The following TRIP6 variants were observed in gnomAD, a reference collection of about 807,000 sequenced individuals.
The protein encoded by TRIP6 is thyroid hormone receptor interactor 6.
TRIP6 carries 33 observed loss-of-function variants against 51.9 expected under a neutral mutation model. The ratio of observed to expected loss-of-function variants is 0.64; its 90% confidence interval spans 0.48 to 0.85. The LOEUF is 0.85. Ranked by LOEUF, TRIP6 falls within the 40% of genes least tolerant of loss-of-function variation. The probability of loss-of-function intolerance (pLI) is 0.00; values close to 1 mark genes in which losing one functional copy is unlikely to be tolerated. For missense variants in TRIP6, 661 were observed against 652.1 expected (o/e 1.01, Z -0.15); for synonymous variants, 255 against 275.8 (o/e 0.92, Z 0.75).
chr7:100,872,496 T>C (rs1815295285), intron 7 of TRIP6, 128 bp from the exon 8 acceptor site: 4 of 1,408,170 alleles, frequency 2.8e-6, no homozygotes, highest in Non-Finnish European at 2.9e-6. Flanking sequence ...CATCGTCCCT[T>C]CCCCAAGACC....
chr7:100,871,121 C>T lies in TRIP6; in HGVS notation c.999+378C>T, dbSNP rs546678761. ...TGATCTCTGCTCACTGCAACCTCAG[C>T]CTGCCCTGGTTCAAGCGATTCTCAT... On this transcript the variant is annotated intron_variant, in intron 6 of 8. Coordinates refer to ENST00000200457, the MANE Select transcript of TRIP6 (RefSeq NM_003302.3). 1.8e-5 allele frequency: 9 copies of T among 496,466 alleles called. No individual in the cohort carries two copies. The East Asian group carries it at 5.1e-4, about 28-fold the overall frequency. 30.8% of individuals were successfully genotyped at this position (496,466 alleles called of 1,614,324 possible). A position where few individuals can be genotyped will look rare whatever the true frequency, so the allele number is the denominator to read the frequency against.
rs772024645 is a variant in TRIP6 at position 100,870,759 on chromosome 7, T to C, written c.999+16T>C. The C allele has an allele frequency of 1.4e-5, 22 of 1,603,706 alleles. No individual in the cohort carries two copies. In the Admixed American group the frequency reaches 3.5e-4, roughly 26 times the overall value. ...CTGCTACGTGGTGAGTGGCTGGGGC[T>C]GGGAGGAGGGAGTCAGTGGCTGGAT... On this transcript the variant is annotated intron_variant, in intron 6 of 8. Transcript: ENST00000200457.
Position 100,868,683 on chromosome 7 carries a change from C to T in TRIP6, c.552C>T (p.Pro184=). The T allele has an allele frequency of 6.2e-7, 1 of 1,603,020 alleles. No homozygotes were observed. The highest frequency in any genetic ancestry group is 8.5e-7 in the Non-Finnish European group (1 of 1,174,580). ...AGCCAGTGAGGGGCTGCGGCCCACC[C>T]AGGCGGGGAGCCTCTCAGGCCTCTG... ...VAQPVRGCGP[P]RRGASQASGP... Residue 184 remains proline, a synonymous_variant, in exon 4 of 9, where the codon CCC becomes CCT. Transcript: ENST00000200457.
At position 100,871,127 on chromosome 7, in the gene TRIP6, C is replaced by T. The variant is rs143476764; in HGVS notation, c.999+384C>T. ...CTGCTCACTGCAACCTCAGCCTGCC[C>T]TGGTTCAAGCGATTCTCATGCCTCA... On this transcript the variant is annotated intron_variant, in intron 6 of 8. Transcript: ENST00000200457. The T allele has an allele frequency of 3.7e-4, 183 of 491,522 alleles. No homozygotes were observed. In the East Asian group the frequency reaches 8.5e-3, roughly 23 times the overall value. 30.4% of individuals were successfully genotyped at this position (491,522 alleles called of 1,614,324 possible). A position where few individuals can be genotyped will look rare whatever the true frequency, so the allele number is the denominator to read the frequency against.
rs780407085 is a variant in TRIP6 at position 100,868,216 on chromosome 7, C to T, written c.346C>T (p.Arg116Trp). The T allele has an allele frequency of 7.5e-6, 12 of 1,608,252 alleles. No homozygotes were observed. The highest frequency in any genetic ancestry group is 1.1e-5 in the South Asian group (1 of 90,886). Residue 116 changes from arginine (R) to tryptophan (W), a missense_variant, in exon 3 of 9, where the codon CGG (arginine) becomes TGG (tryptophan). Transcript: ENST00000200457. Reference sequence around the variant, plus strand: ...GAATGGGGGTCGGGGTCATGCGTCACGGCGACCAGACCGACAGGTGACTCT... The same window carrying T: ...GAATGGGGGTCGGGGTCATGCGTCATGGCGACCAGACCGACAGGTGACTCT... ...ELNGGRGHASRRPDRQAYEPP... is the reference protein window; with the variant it reads ...ELNGGRGHASWRPDRQAYEPP...
chr7:100,872,432 G>A (rs1409518470), intron 7 of TRIP6, among the ~76,000 whole-genome samples, 192 bp from the exon 8 acceptor site: 3 of 152,084 alleles, frequency 2.0e-5, no homozygotes, highest in Non-Finnish European at 4.4e-5. Flanking sequence ...GCCTCCCAAA[G>A]TCGGGGGATT....
rs1230750195 is a variant in TRIP6 at position 100,867,744 on chromosome 7, T to C, written c.110-117T>C. 2 of 1,514,906 alleles carry C rather than the reference T, an allele frequency of 1.3e-6. No individual in the cohort carries two copies. The highest frequency in any genetic ancestry group is 2.8e-5 in the African/African-American group (2 of 70,630). 93.8% of individuals were successfully genotyped at this position (1,514,906 alleles called of 1,614,324 possible). A position where few individuals can be genotyped will look rare whatever the true frequency, so the allele number is the denominator to read the frequency against. ...GCGGGGGGAACAGCCGCCTGCGCTC[T>C]CTTGGGACCCTAGATTTGGGGGAGG... On this transcript the variant is annotated intron_variant, in intron 1 of 8. Transcript: ENST00000200457. The surrounding 1 kb of genome is among the most constrained non-coding windows in gnomAD (Gnocchi z 5.4).
chr7:100,871,601 C>A lies in TRIP6; in HGVS notation c.1058C>A (p.Ala353Asp). 6.2e-7 allele frequency: 1 copy of A among 1,614,130 alleles called. No homozygotes were observed. The highest frequency in any genetic ancestry group is 8.5e-7 in the Non-Finnish European group (1 of 1,180,028). Reference sequence around the variant, plus strand: ...CCCATCCTGGACCGGATCCTGCGGGCTATGGGGAAGGCCTACCACCCTGGC... The same window carrying A: ...CCCATCCTGGACCGGATCCTGCGGGATATGGGGAAGGCCTACCACCCTGGC... ...SQPILDRILR[A>D]MGKAYHPGCF... The change falls in exon 7 of 9, where the codon GCT becomes GAT. Residue 353 changes from alanine to aspartate, a missense_variant. Ala to Asp is a moderately radical substitution (Grantham distance 126). Transcript: ENST00000200457.
intron 6 of TRIP6, 60 bp from the exon 7 acceptor site, chr7:100,871,483 C>G: frequency 6.4e-7 from 1 of 1,568,152 alleles, no homozygotes; most frequent in Non-Finnish European, 8.7e-7. Flanking sequence ...TGCTGGGGTT[C>G]CTGTTGAGCT....
intron 4 of TRIP6, among the ~76,000 whole-genome samples, 194 bp from the exon 5 acceptor site, chr7:100,870,176 T>C (rs896304642): frequency 7.9e-5 from 12 of 152,364 alleles, no homozygotes; most frequent in African/African-American, 2.6e-4. Flanking sequence ...GCTGCTGATC[T>C]GACAGGAGGT....
chr7:100,869,760 G>A (rs1245980083), intron 4 of TRIP6, among the ~76,000 whole-genome samples: 2 of 133,628 alleles, frequency 1.5e-5, no homozygotes, highest in Non-Finnish European at 3.2e-5. Context: ...AATCTTTTTG[G>A]CACCAGGGAC....
At chr7:100,872,317 G>A (rs1815292743) in intron 7 of TRIP6, among the ~76,000 whole-genome samples, 1 of 151,112 alleles carries the variant, frequency 6.6e-6, no homozygotes, top group African/African-American at 2.4e-5. Context: ...GCAGGCGTAA[G>A]CCACTGCACC....
chr7:100,868,025 C>A, intron 2 of TRIP6, 37 bp downstream of exon 2: 2 of 1,520,150 alleles, frequency 1.3e-6, no homozygotes, highest in Non-Finnish European at 1.8e-6. Context: ...CATGTGGGAT[C>A]CCCCAGAACC....
At chr7:100,868,332 A>G in intron 3 of TRIP6, 99 bp downstream of exon 3, 1 of 1,569,482 alleles carries the variant, frequency 6.4e-7, no homozygotes, top group Non-Finnish European at 8.6e-7. Flanking sequence ...GCACCCCAGC[A>G]TGGAGGAAGC....
chr7:100,868,271 C>T, intron 3 of TRIP6, 38 bp downstream of exon 3: 1 of 1,592,866 alleles, frequency 6.3e-7, no homozygotes, highest in Non-Finnish European at 8.5e-7. Flanking sequence ...ACCCTGCCCC[C>T]TTCTCTGGAC....
In TRIP6 at chr7:100,868,126, G is replaced by C. The variant is rs1453588041; in HGVS notation, c.256G>C (p.Gly86Arg). 3.7e-6 allele frequency: 6 copies of C among 1,612,350 alleles called. 1 individual carries two copies. In the Admixed American group the frequency reaches 1.0e-4, roughly 27 times the overall value. ...TCCTCAGGGGCTCCCTGCAGACAGG[G>C]GGGGCCTTCGCCCTGGAAGCCTGGA... Reference protein sequence around the residue: ...QHTQGLPADRGGLRPGSLDAE... With the variant: ...QHTQGLPADRRGLRPGSLDAE... Residue 86 changes from glycine to arginine, a missense_variant, in exon 3 of 9, where the codon GGG becomes CGG. Coordinates refer to ENST00000200457, the MANE Select transcript of TRIP6 (RefSeq NM_003302.3).
rs1165268201 is a variant in TRIP6, at chr7:100,871,406, T to C, written c.1000-137T>C. 17 of 813,666 alleles carry C rather than the reference T, an allele frequency of 2.1e-5. No homozygotes were observed. The East Asian group carries it at 4.5e-4, about 21-fold the overall frequency. 50.4% of individuals were successfully genotyped at this position (813,666 alleles called of 1,614,324 possible). Reference sequence around the variant, plus strand: ...GGACCTGAACTCAGATCTGCTCAAGTCTGCCTTTCACCGAATCACATGCAG... The same window carrying C: ...GGACCTGAACTCAGATCTGCTCAAGCCTGCCTTTCACCGAATCACATGCAG... On this transcript the variant is annotated intron_variant, in intron 6 of 8. Coordinates refer to ENST00000200457, the MANE Select transcript of TRIP6 (RefSeq NM_003302.3).
At position 100,873,290 on chromosome 7, in the gene TRIP6, C is replaced by T. The variant is rs766882926; in HGVS notation, c.1418C>T (p.Thr473Ile). The T allele has an allele frequency of 7.5e-6, 12 of 1,609,290 alleles. No individual in the cohort carries two copies. The highest frequency in any genetic ancestry group is 1.7e-4 in the Middle Eastern group (1 of 6,042). ...ATCCAGGAGCTCTCAGCCACCGTCACCACTGACTGCTGAGTCTTCCTAGAA... is the reference window on the plus strand; with the variant it reads ...ATCCAGGAGCTCTCAGCCACCGTCATCACTGACTGCTGAGTCTTCCTAGAA... ...WRIQELSATVTTDC is the reference protein window; with the variant it reads ...WRIQELSATVITDC The change falls in exon 9 of 9, where the codon ACC (threonine) becomes ATC (isoleucine). Residue 473 changes from threonine to isoleucine, a missense_variant. Thr to Ile is a moderately conservative substitution (Grantham distance 89, BLOSUM62 -1). Coordinates refer to ENST00000200457, the MANE Select transcript of TRIP6 (RefSeq NM_003302.3).
At position 100,867,825 on chromosome 7, in the gene TRIP6, G is replaced by A. The variant is rs928692958; in HGVS notation, c.110-36G>A. ...CAAATATACACCCCTCCTGTCCTCC[G>A]CCACCCCACCTTTGATTTCTCTTCC... On this transcript the variant is annotated intron_variant, in intron 1 of 8. Transcript: ENST00000200457. This position sits in a 1 kb window ranked among gnomAD's most constrained non-coding sequence, Gnocchi z 5.4. 1.3e-6 allele frequency: 2 copies of A among 1,530,912 alleles called. No individual in the cohort carries two copies. Among genetic ancestry groups the A allele is most frequent in the Non-Finnish European group, 8.7e-7 (1 of 1,147,760 alleles). The allele number at this position is 1,530,912 out of a possible 1,614,324, so 94.8% of individuals were successfully genotyped here.
Sources: allele counts gnomAD v4.1 joint callset (sites outside exome capture counted in the v4.1 genomes callset), GRCh38; gene constraint gnomAD v4.1.1; non-coding constraint Gnocchi (gnomAD v3.1); transcripts MANE v1.5; gene names NCBI Gene and HGNC (gene_info 2026-07-23, HGNC 2026-07-21).